RELN: variants seen among roughly 807,000 people sequenced by gnomAD.
The protein encoded by RELN is reelin.
In RELN, 108 loss-of-function variants were observed where a neutral mutation model predicts 427.6. The ratio of observed to expected loss-of-function variants is 0.25; its 90% CI spans 0.22 to 0.30. The LOEUF (loss-of-function observed/expected upper bound fraction) is 0.30. RELN is among the 10% of genes least tolerant of loss of function. The pLI, the probability that RELN is intolerant of heterozygous loss-of-function variation, is 1.00. For missense variants in RELN, 3,715 were observed against 4,302.8 expected, an observed-to-expected ratio of 0.86 and a Z score of 3.82; for synonymous variants, 1,524 against 1,513.4, an observed-to-expected ratio of 1.01 and a Z score of -0.16.
chr7:103,691,510 G>T (rs1176763241), intron 10 of RELN, among the ~76,000 whole-genome samples: 1 of 152,080 alleles, frequency 6.6e-6, no homozygotes, highest in East Asian at 1.9e-4. Context: ...ATTGACAGTA[G>T]CATTAAAACA....
chr7:103,968,803 A>C lies in RELN; in HGVS notation c.226+20328T>G, dbSNP rs1796707602. ...ATTTACCATTGACATTCTGCCTAAC[A>C]ACAACAAAAACAATTACAGACAAAA... is the stretch of plus-strand genomic sequence containing the variant. On this transcript the variant is annotated intron_variant, in intron 1 of 64. Coordinates refer to ENST00000428762, the MANE Select transcript of RELN (RefSeq NM_005045.4). The surrounding 1 kb of genome is among the most constrained non-coding windows in gnomAD (Gnocchi z 4.3). Among the ~76,000 whole-genome samples the C allele has an allele frequency of 6.6e-6, 1 of 152,174 alleles. No homozygotes were observed. The highest frequency in any genetic ancestry group is 6.5e-5 in the Admixed American group (1 of 15,278).
At chr7:103,924,991 TACACACACAC>T (rs57662220) in intron 1 of RELN, among the ~76,000 whole-genome samples, 1,070 of 49,064 alleles carry the variant, frequency 0.022, 12 homozygotes, top group African/African-American at 0.057. Flanking sequence ...CGCATACACA[TACACACACAC>T]ACACACACAC....
Position 103,553,513 on chromosome 7 carries a change from G to A in RELN, c.6020C>T (p.Ser2007Phe). The A allele has an allele frequency of 6.2e-7, 1 of 1,614,034 alleles. No homozygotes were observed. The highest frequency in any genetic ancestry group is 1.1e-5 in the South Asian group (1 of 91,074). ...VFVSNEVGEHSITTRDLNVNE... is the reference protein window; with the variant it reads ...VFVSNEVGEHFITTRDLNVNE... ...CACATTTAGGTCACGGGTGGTAATG[G>A]AATGCTCACCAACTTCATTTGAAAC... The change falls in exon 40 of 65, where the codon TCC (serine) becomes TTC (phenylalanine). Residue 2007 changes from serine (S) to phenylalanine (F), a missense_variant. This residue lies in a region of RELN where 1,310 missense variants were observed against 1,643.0 expected (regional missense o/e 0.80). Coordinates refer to ENST00000428762, the MANE Select transcript of RELN (RefSeq NM_005045.4).
At chr7:103,912,283 A>G (rs1420434464) in intron 2 of RELN, among the ~76,000 whole-genome samples, 1 of 146,270 alleles carries the variant, frequency 6.8e-6, no homozygotes, top group Non-Finnish European at 1.5e-5. Context: ...GCAAACCTCC[A>G]CCTCCCGGGT....
chr7:103,972,446 T>C (rs1796783103), intron 1 of RELN, among the ~76,000 whole-genome samples: 1 of 152,196 alleles, frequency 6.6e-6, no homozygotes, highest in Non-Finnish European at 1.5e-5. Context: ...AACTAAATAT[T>C]CTAAGTCTTC....
intron 3 of RELN, among the ~76,000 whole-genome samples, chr7:103,830,895 A>G (rs957222306): frequency 8.5e-5 from 13 of 152,152 alleles, no homozygotes; most frequent in African/African-American, 2.9e-4. Context: ...TGCAAACAGT[A>G]GCATCAAAAT....
At chr7:103,519,050 A>C (rs1829639620) in intron 49 of RELN, among the ~76,000 whole-genome samples, 1 of 152,164 alleles carries the variant, frequency 6.6e-6, no homozygotes, top group Admixed American at 6.5e-5. Flanking sequence ...TAATTATACT[A>C]GTTAATTTCT....
At chr7:103,580,560 G>A (rs1488832855) in intron 28 of RELN, among the ~76,000 whole-genome samples, 1 of 152,158 alleles carries the variant, frequency 6.6e-6, no homozygotes, top group Non-Finnish European at 1.5e-5. Context: ...ATTCAGGTGT[G>A]TATATATTTA....
intron 6 of RELN, among the ~76,000 whole-genome samples, chr7:103,748,771 C>G (rs1163075493): frequency 6.6e-6 from 1 of 152,060 alleles, no homozygotes; most frequent in Non-Finnish European, 1.5e-5. Flanking sequence ...TCTGTCCAAA[C>G]AAAAAACATT....
intron 10 of RELN, among the ~76,000 whole-genome samples, chr7:103,690,033 T>C (rs933312736): frequency 1.3e-5 from 2 of 152,104 alleles, no homozygotes; most frequent in Admixed American, 1.3e-4. Flanking sequence ...CTACTCTAGA[T>C]ATAAAACTGG....
chr7:103,574,418 C>T, intron 29 of RELN, 119 bp from the exon 30 acceptor site: 1 of 845,580 alleles, frequency 1.2e-6, no homozygotes, highest in Non-Finnish European at 1.9e-6. Context: ...AGAGAGGCCA[C>T]ATGAAAATTT....
At position 103,822,774 on chromosome 7, in the gene RELN, C is replaced by T. The variant is rs1328070539; in HGVS notation, c.473+10763G>A. On this transcript the variant is annotated intron_variant, in intron 3 of 64. Transcript: ENST00000428762. ...CTAAAAATACAAAAAATTAGCCGGGCGCGGTGGCGGGCGCCTGTAGTCCCA... is the reference window on the plus strand; with the variant it reads ...CTAAAAATACAAAAAATTAGCCGGGTGCGGTGGCGGGCGCCTGTAGTCCCA... Among the ~76,000 whole-genome samples, 2 of 11,896 alleles carry T rather than the reference C, an allele frequency of 1.7e-4. 1 individual carries two copies. The highest frequency in any genetic ancestry group is 2.5e-4 in the African/African-American group (2 of 8,126). 7.8% of individuals were successfully genotyped at this position (11,896 alleles called of 152,430 possible).
chr7:103,568,215 T>G (rs1402475328), intron 31 of RELN, among the ~76,000 whole-genome samples: 2 of 152,214 alleles, frequency 1.3e-5, no homozygotes, highest in East Asian at 3.8e-4. Flanking sequence ...TATTTTAGTT[T>G]CAAAAATATT....
At chr7:103,581,890 A>T (rs1831159456) in intron 28 of RELN, among the ~76,000 whole-genome samples, 1 of 152,052 alleles carries the variant, frequency 6.6e-6, no homozygotes, top group South Asian at 2.1e-4. Flanking sequence ...CAACTAGATG[A>T]TGGAGCCCAG....
In RELN at chr7:103,941,818, T is replaced by C. The variant is rs1360517329; in HGVS notation, c.227-24633A>G. On this transcript the variant is annotated intron_variant, in intron 1 of 64. Coordinates refer to ENST00000428762, the MANE Select transcript of RELN (RefSeq NM_005045.4). ...AGAGGCTATGAGTAAACTGGTAACA[T>C]TATCAGACTGTTTCAGGGATCCGCA... is the stretch of plus-strand genomic sequence containing the variant. 4.6e-5 allele frequency among the ~76,000 whole-genome samples: 7 copies of C among 152,068 alleles called. No homozygotes were observed. In the South Asian group the frequency reaches 1.4e-3, roughly 31 times the overall value.
chr7:103,963,134 C>CTTTT (rs61170235), intron 1 of RELN, among the ~76,000 whole-genome samples: 1 of 139,312 alleles, frequency 7.2e-6, no homozygotes, highest in Non-Finnish European at 1.5e-5. Context: ...TTTTCGCCTT[C>CTTTT]TTTTTTTTTT....
At chr7:103,719,555 C>G (rs1324393603) in intron 8 of RELN, among the ~76,000 whole-genome samples, 1 of 151,932 alleles carries the variant, frequency 6.6e-6, no homozygotes, top group Non-Finnish European at 1.5e-5. Context: ...GAAGCCAGCT[C>G]AAGCAAATAC....
chr7:103,857,816 C>T (rs2116482615), intron 2 of RELN, among the ~76,000 whole-genome samples: 1 of 152,228 alleles, frequency 6.6e-6, no homozygotes, highest in East Asian at 1.9e-4. Context: ...ATAAAATATG[C>T]TAATCAGTTG....
intron 2 of RELN, among the ~76,000 whole-genome samples, chr7:103,871,816 G>A (rs371560788): frequency 1.3e-5 from 2 of 152,066 alleles, no homozygotes; most frequent in African/African-American, 4.8e-5. Flanking sequence ...CTCTTTGGAA[G>A]AGAGGGCAAT....
Sources: allele counts gnomAD v4.1 joint callset (sites outside exome capture counted in the v4.1 genomes callset), GRCh38; gene constraint gnomAD v4.1.1; regional missense constraint gnomAD v4.1.1; non-coding constraint Gnocchi (gnomAD v3.1); transcripts MANE v1.5; gene names NCBI Gene and HGNC (gene_info 2026-07-23, HGNC 2026-07-21).